Variants in TEX2 observed in about 807,000 individuals in gnomAD.
TEX2 encodes the protein testis expressed 2, also known as testis-expressed protein 2.
TEX2 carries 53 observed loss-of-function variants against 106.9 expected under a neutral mutation model. The ratio of observed to expected loss-of-function variants is 0.50; its 90% CI spans 0.40 to 0.62. TEX2 has a LOEUF of 0.62. Ranked by LOEUF, TEX2 falls within the 20% of genes least tolerant of loss-of-function variation. TEX2 has a pLI of 0.00. For missense variants in TEX2, 1,207 were observed against 1,379.0 expected, an observed-to-expected ratio of 0.88 and a Z score of 1.98; for synonymous variants, 523 against 534.8, an observed-to-expected ratio of 0.98 and a Z score of 0.30.
chr17:64,210,917 G>A lies in TEX2; in HGVS notation c.1644+1657C>T, dbSNP rs545669499. ...AGGTGTCATGGGAAAAGCAGGAAGA[G>A]GACACACAAAGGCTCCAAAGCCTAC... On this transcript the variant is annotated intron_variant, in intron 2 of 11. Coordinates refer to ENST00000584379, the MANE Select transcript of TEX2 (RefSeq NM_001288732.2). Among the ~76,000 whole-genome samples the A allele has an allele frequency of 2.8e-4, 42 of 151,932 alleles. No homozygotes were observed. The South Asian group carries it at 5.8e-3, about 21-fold the overall frequency.
chr17:64,236,582 T>C (rs2143362475), intron 1 of TEX2, among the ~76,000 whole-genome samples: 1 of 152,308 alleles, frequency 6.6e-6, no homozygotes, highest in South Asian at 2.1e-4. Flanking sequence ...AGGATGTGCA[T>C]AAGTTATATG....
intron 1 of TEX2, among the ~76,000 whole-genome samples, chr17:64,259,091 G>A (rs1337011445): frequency 1.3e-5 from 2 of 152,190 alleles, no homozygotes; most frequent in Non-Finnish European, 2.9e-5. Flanking sequence ...GAAGTGACGC[G>A]CAGCTGGTAT....
intron 2 of TEX2, among the ~76,000 whole-genome samples, chr17:64,198,328 G>A (rs573813579): frequency 6.7e-6 from 1 of 150,304 alleles, no homozygotes; most frequent in East Asian, 1.9e-4. Flanking sequence ...GTTTACCAGG[G>A]CTAAAGTTCT....
rs142051773 is a variant in TEX2, at chr17:64,189,573, A to G, written c.2177-1158T>C. Among the ~76,000 whole-genome samples the G allele has an allele frequency of 7.3e-3, 1,116 of 152,324 alleles. 10 individuals carry two copies. Among genetic ancestry groups the G allele is most frequent in the African/African-American group, 0.026 (1,071 of 41,566 alleles). ...CAGACTGCAAAGTGCCTCAAAAGCC[A>G]ACCTCGAATTTAATATTGACCCTGT... On this transcript the variant is annotated intron_variant, in intron 4 of 11. Transcript: ENST00000584379.
At chr17:64,255,777 C>A (rs1555637617) in intron 1 of TEX2, 1 of 152,210 alleles carries the variant, frequency 6.6e-6, no homozygotes, top group Non-Finnish European at 1.5e-5. Flanking sequence ...GGGGAAACAT[C>A]ATCAAATCTC....
At chr17:64,172,023 G>A (rs1326365020) in intron 6 of TEX2, among the ~76,000 whole-genome samples, 2 of 150,198 alleles carry the variant, frequency 1.3e-5, no homozygotes, top group African/African-American at 2.4e-5. Context: ...CTACATTTCC[G>A]ATAGGCAAAC....
chr17:64,150,722 G>T, intron 11 of TEX2, 119 bp downstream of exon 11: 1 of 1,100,528 alleles, frequency 9.1e-7, no homozygotes, highest in Non-Finnish European at 1.3e-6. Context: ...ACTCTTCCGG[G>T]ATGAAGGTCA....
chr17:64,249,390 G>A (rs2034049767), intron 1 of TEX2, among the ~76,000 whole-genome samples: 1 of 152,128 alleles, frequency 6.6e-6, no homozygotes, highest in Admixed American at 6.5e-5. Flanking sequence ...GAAAACGGAG[G>A]CTAATGGTTC....
rs535578012 is a variant in TEX2, at chr17:64,211,870, G to C, written c.1644+704C>G. Among the ~76,000 whole-genome samples, 122 of 152,312 alleles carry C rather than the reference G, an allele frequency of 8.0e-4. No individual in the cohort carries two copies. In the South Asian group the frequency reaches 0.01, roughly 13 times the overall value. On this transcript the variant is annotated intron_variant, in intron 2 of 11. Coordinates refer to ENST00000584379, the MANE Select transcript of TEX2 (RefSeq NM_001288732.2). ...AATAATAAATAGAAGTTCTAGGCTG[G>C]ACACAGCGGCTCACACCTGTAATCC...
rs897241977 is a variant in TEX2, at chr17:64,153,981, C to T, written c.2931-827G>A. On this transcript the variant is annotated intron_variant, in intron 9 of 11. Coordinates refer to ENST00000584379, the MANE Select transcript of TEX2 (RefSeq NM_001288732.2). The surrounding 1 kb of genome is among the most constrained non-coding windows in gnomAD (Gnocchi z 4.1). Reference sequence around the variant, plus strand: ...ATGCTACACCAAGTTGACGTGCTCACAGGCCAAGAAAATAAGCTGTTGTAT... The same window carrying T: ...ATGCTACACCAAGTTGACGTGCTCATAGGCCAAGAAAATAAGCTGTTGTAT... 1.3e-5 allele frequency among the ~76,000 whole-genome samples: 2 copies of T among 152,152 alleles called. No homozygotes were observed. The highest frequency in any genetic ancestry group is 6.5e-5 in the Admixed American group (1 of 15,286).
At chr17:64,210,633 G>GGTTTTTTTT (rs1598182744) in intron 2 of TEX2, among the ~76,000 whole-genome samples, 1 of 66,334 alleles carries the variant, frequency 1.5e-5, no homozygotes, top group African/African-American at 5.3e-5. Context: ...CCAACCCCCA[G>GGTTTTTTTT]CTTTTTTTTT....
Position 64,181,471 on chromosome 17 carries a change from TCA to T in TEX2, c.2425-4002_2425-4001del, listed in dbSNP as rs1491399807. Among the ~76,000 whole-genome samples, 27 of 117,422 alleles carry T rather than the reference TCA, an allele frequency of 2.3e-4. 2 individuals carry two copies. Among genetic ancestry groups the T allele is most frequent in the African/African-American group, 3.3e-4 (10 of 30,664 alleles). 77.0% of individuals were successfully genotyped at this position (117,422 alleles called of 152,430 possible). On this transcript the variant is annotated intron_variant, in intron 5 of 11. Coordinates refer to ENST00000584379, the MANE Select transcript of TEX2 (RefSeq NM_001288732.2). ...ACCCTGGCCACAGAGCAAGGCTATC[TCA>T]AAAAAAAAAAAAAAAAAAAAAAAAA...
intron 2 of TEX2, among the ~76,000 whole-genome samples, chr17:64,198,880 C>T (rs1598169924): frequency 1.3e-5 from 2 of 152,122 alleles, no homozygotes; most frequent in East Asian, 3.9e-4. Flanking sequence ...GAATTTCAGA[C>T]AAAAATCCCT....
rs1555632016 is a variant in TEX2, at chr17:64,213,366, C to A, written c.852G>T (p.Glu284Asp). ...GTCGTTTAGTATCTTCAATTTTAGC[C>A]TCCATTTCGGGCACTTTAAAAAAGG... ...TRSFFKVPEM[E>D]AKIEDTKRRL... Residue 284 changes from glutamate to aspartate, a missense_variant, in exon 2 of 12, where the codon GAG becomes GAT. Glu to Asp is a conservative substitution (Grantham distance 45). Transcript: ENST00000584379. This position sits in a 1 kb window ranked among gnomAD's most constrained non-coding sequence, Gnocchi z 4.4. The A allele has an allele frequency of 6.2e-7, 1 of 1,613,964 alleles. No individual in the cohort carries two copies. Among genetic ancestry groups the A allele is most frequent in the Non-Finnish European group, 8.5e-7 (1 of 1,180,024 alleles).
Position 64,212,703 on chromosome 17 carries a change from T to C in TEX2, c.1515A>G (p.Gly505=). 2 of 1,614,118 alleles carry C rather than the reference T, an allele frequency of 1.2e-6. No homozygotes were observed. Among genetic ancestry groups the C allele is most frequent in the Non-Finnish European group, 1.7e-6 (2 of 1,180,012 alleles). ...AAATCACGCAAACTGCAGTCATGAATCCAAGGCCAATTCCCAGAAAGAGTC... is the reference window on the plus strand; with the variant it reads ...AAATCACGCAAACTGCAGTCATGAACCCAAGGCCAATTCCCAGAAAGAGTC... The part of the protein sequence containing the change: ...VSGLFLGIGL[G]FMTAVCVIWF... Residue 505 remains glycine, a synonymous_variant, in exon 2 of 12, where the codon GGA becomes GGG. Transcript: ENST00000584379.
chr17:64,160,960 G>T (rs754845723), intron 7 of TEX2, 27 bp from the exon 8 acceptor site: 19 of 1,597,962 alleles, frequency 1.2e-5, no homozygotes, highest in Non-Finnish European at 1.4e-5. Flanking sequence ...AAAACAGAAG[G>T]TTTTTTTCCC....
intron 7 of TEX2, 71 bp from the exon 8 acceptor site, chr17:64,161,004 T>G: frequency 1.3e-6 from 2 of 1,534,494 alleles, no homozygotes; most frequent in Non-Finnish European, 1.8e-6. Flanking sequence ...TGACTTACAT[T>G]TAAAAATATC....
rs1311557105 is a variant in TEX2 at position 64,244,767 on chromosome 17, CTTTGT to C, written c.-26+18396_-26+18400del. ...CTGTTTAAAAAAATTATTTTTTTCT[CTTTGT>C]TTTGACAAAATCCTGTTCTCTAGTT... On this transcript the variant is annotated intron_variant, in intron 1 of 11. Transcript: ENST00000584379. 1.1e-3 allele frequency among the ~76,000 whole-genome samples: 173 copies of C among 152,146 alleles called. 1 individual carries two copies. Among genetic ancestry groups the C allele is most frequent in the African/African-American group, 3.9e-3 (163 of 41,522 alleles).
chr17:64,212,454 C>A, intron 2 of TEX2, 120 bp downstream of exon 2: 1 of 893,318 alleles, frequency 1.1e-6, no homozygotes, highest in Admixed American at 2.3e-5. Context: ...TGGCCCCAAG[C>A]TCTTAAAAAA....
Sources: gnomAD v4.1 joint callset for allele counts (sites outside exome capture counted in the v4.1 genomes callset) on GRCh38, gnomAD v4.1.1 for gene constraint, Gnocchi (gnomAD v3.1) non-coding constraint, MANE v1.5 for transcripts, NCBI Gene and HGNC (gene_info 2026-07-23, HGNC 2026-07-21) for gene names.